The following NIPBL variants were observed in gnomAD, a reference collection of about 807,000 sequenced individuals.
NIPBL encodes NIPBL cohesin loading factor.
A neutral mutation model predicts 321.8 loss-of-function variants in NIPBL; 19 were observed. The ratio of observed to expected loss-of-function variants is 0.06; its 90% CI spans 0.04 to 0.09. The LOEUF (loss-of-function observed/expected upper bound fraction) is 0.09, where lower values mean the gene tolerates loss of function less well. Ranked by LOEUF, NIPBL falls within the 10% of genes least tolerant of loss-of-function variation. The pLI is 1.00. For missense variants in NIPBL, 2,210 were observed against 3,327.0 expected (o/e 0.66, Z 8.26); for synonymous variants, 1,106 against 1,114.1 (o/e 0.99, Z 0.14).
chr5:37,033,685 T>TACAG (rs1751335136), intron 32 of NIPBL, among the ~76,000 whole-genome samples: 1 of 65,066 alleles, frequency 1.5e-5, no homozygotes, highest in Non-Finnish European at 2.5e-5. Context: ...TATATGTACA[T>TACAG]ACACACACAC....
chr5:36,972,763 T>C (rs1486205727), intron 8 of NIPBL, among the ~76,000 whole-genome samples: 2 of 152,162 alleles, frequency 1.3e-5, no homozygotes, highest in Non-Finnish European at 2.9e-5. Context: ...TTTTAAGTTA[T>C]CATAAAGCCT....
Position 37,044,016 on chromosome 5 carries a change from A to G in NIPBL, c.6109-331A>G, listed in dbSNP as rs375060407. 1.3e-4 allele frequency among the ~76,000 whole-genome samples: 20 copies of G among 152,316 alleles called. No homozygotes were observed. The South Asian group carries it at 4.1e-3, about 32-fold the overall frequency. ...TAACATACACAGTTTGGAAAATACT[A>G]ATCGTAAAAACTGTACCAGTCTTTG... On this transcript the variant is annotated intron_variant, in intron 34 of 46. Coordinates refer to ENST00000282516, the MANE Select transcript of NIPBL (RefSeq NM_133433.4).
intron 11 of NIPBL, among the ~76,000 whole-genome samples, chr5:36,997,178 C>G (rs1440241936): frequency 2.0e-5 from 3 of 152,004 alleles, no homozygotes; most frequent in Non-Finnish European, 4.4e-5. Context: ...GGAACTCATT[C>G]CCTTTAATAT....
At chr5:36,962,038 A>G in intron 5 of NIPBL, 85 bp from the exon 6 acceptor site, 1 of 1,453,174 alleles carries the variant, frequency 6.9e-7, no homozygotes. Context: ...CTAAGAGATC[A>G]GAGGACTTTG....
At chr5:36,974,019 G>A (rs1743175430) in intron 8 of NIPBL, among the ~76,000 whole-genome samples, 1 of 152,134 alleles carries the variant, frequency 6.6e-6, no homozygotes, top group African/African-American at 2.4e-5. Flanking sequence ...GAATTTTCAG[G>A]GATAAAAACC....
At chr5:37,055,888 A>G (rs941601566) in intron 42 of NIPBL, among the ~76,000 whole-genome samples, 6 of 151,944 alleles carry the variant, frequency 3.9e-5, no homozygotes, top group African/African-American at 4.8e-5. Flanking sequence ...GTATGCACCT[A>G]TACTCCTAGC....
intron 11 of NIPBL, among the ~76,000 whole-genome samples, chr5:36,999,459 T>C (rs1423222749): frequency 1.3e-5 from 2 of 152,204 alleles, no homozygotes; most frequent in Admixed American, 1.3e-4. Flanking sequence ...TTGTCACTTA[T>C]AGTGCCCCCC....
intron 8 of NIPBL, 35 bp from the exon 9 acceptor site, chr5:36,975,741 C>CCA (rs1743364546): frequency 6.2e-7 from 1 of 1,607,302 alleles, no homozygotes; most frequent in African/African-American, 1.3e-5. Flanking sequence ...TGTGAAACCA[C>CCA]CACAACTGTT....
At chr5:36,903,644 G>A (rs930761608) in intron 1 of NIPBL, among the ~76,000 whole-genome samples, 47 of 152,082 alleles carry the variant, frequency 3.1e-4, no homozygotes, top group Middle Eastern at 3.2e-3. Flanking sequence ...ATATAAACAA[G>A]CTAAAAATAG....
At position 36,876,843 on chromosome 5, in the gene NIPBL, T is replaced by G. The variant is rs1024722216; in HGVS notation, c.-415T>G. Reference sequence around the variant, plus strand: ...CTCCTTCCCCCCGCCCTCCCCCCCCTCCCTCCGTCGGTACCGACTCACCCG... The same window carrying G: ...CTCCTTCCCCCCGCCCTCCCCCCCCGCCCTCCGTCGGTACCGACTCACCCG... On this transcript the variant is annotated 5_prime_UTR_variant, in exon 1 of 47. Coordinates refer to ENST00000282516, the MANE Select transcript of NIPBL (RefSeq NM_133433.4). 1.3e-4 allele frequency: 8 copies of G among 60,964 alleles called. No homozygotes were observed. Among genetic ancestry groups the G allele is most frequent in the Admixed American group, 1.1e-3 (6 of 5,692 alleles). The allele number at this position is 60,964 out of a possible 1,614,324, so 3.8% of individuals were successfully genotyped here.
At position 37,048,525 on chromosome 5, in the gene NIPBL, A is replaced by T. The variant is rs587784018; in HGVS notation, c.6613A>T (p.Ser2205Cys). ...GLGFAFIQHPSLMFEQEVKNL... is the reference protein window; with the variant it reads ...GLGFAFIQHPCLMFEQEVKNL... ...AGGATTTGCCTTTATTCAGCATCCA[A>T]GTCTAATGTTCGAGCAAGAAGTGAA... The change falls in exon 39 of 47, where the codon AGT becomes TGT. Residue 2205 changes from serine (S) to cysteine (C), a missense_variant. Ser to Cys is a moderately radical substitution (Grantham distance 112, BLOSUM62 -1). Around this residue, in one of 14 missense-constraint regions of NIPBL, gnomAD observed 40 missense variants for 55.3 expected, o/e 0.72. Coordinates refer to ENST00000282516, the MANE Select transcript of NIPBL (RefSeq NM_133433.4). The T allele has an allele frequency of 1.3e-6, 2 of 1,583,920 alleles. No homozygotes were observed. Among genetic ancestry groups the T allele is most frequent in the Admixed American group, 3.4e-5 (2 of 58,168 alleles).
In NIPBL at chr5:36,994,204, C is replaced by T. The variant is rs1385548148; in HGVS notation, c.3122-1418C>T. ...AATATTACCTGATTTCAAAATGACA[C>T]AGAAGTTAAACTCAACGTTAGTTAG... On this transcript the variant is annotated intron_variant, in intron 10 of 46. Coordinates refer to ENST00000282516, the MANE Select transcript of NIPBL (RefSeq NM_133433.4). Among the ~76,000 whole-genome samples the T allele has an allele frequency of 3.3e-5, 5 of 152,068 alleles. No homozygotes were observed. In the East Asian group the frequency reaches 9.6e-4, roughly 29 times the overall value.
chr5:36,881,327 G>C (rs957088405), intron 1 of NIPBL, among the ~76,000 whole-genome samples: 2 of 151,336 alleles, frequency 1.3e-5, no homozygotes, highest in Non-Finnish European at 1.5e-5. Context: ...TCTGGAGTCA[G>C]TTTTGTTGAA....
chr5:37,050,245 A>T (rs929872223), intron 40 of NIPBL, among the ~76,000 whole-genome samples: 5 of 152,050 alleles, frequency 3.3e-5, no homozygotes, highest in African/African-American at 7.2e-5. Flanking sequence ...TGGGCGGATC[A>T]CTTGAGTCAG....
At chr5:36,958,805 T>C (rs1741270700) in intron 4 of NIPBL, among the ~76,000 whole-genome samples, 1 of 152,206 alleles carries the variant, frequency 6.6e-6, no homozygotes, top group Non-Finnish European at 1.5e-5. Context: ...TCAAGCTTAC[T>C]GAATTTGACA....
chr5:37,050,701 G>C (rs907757044), intron 40 of NIPBL, among the ~76,000 whole-genome samples: 2 of 152,080 alleles, frequency 1.3e-5, no homozygotes, highest in African/African-American at 4.8e-5. Context: ...CTAAGAACAA[G>C]GACATTCTCT....
intron 3 of NIPBL, among the ~76,000 whole-genome samples, chr5:36,956,616 C>CT (rs34760816): frequency 0.027 from 2,152 of 79,488 alleles, 358 homozygotes; most frequent in African/African-American, 0.074. Flanking sequence ...TAAATCACTT[C>CT]TTTTTTTTTT....
chr5:36,897,202 C>G (rs547166711), intron 1 of NIPBL, among the ~76,000 whole-genome samples: 1 of 151,970 alleles, frequency 6.6e-6, no homozygotes, highest in East Asian at 2.0e-4. Context: ...TGGGGTTTCA[C>G]TATGTTGGCC....
chr5:36,886,420 C>A, intron 1 of NIPBL: 1 of 738,378 alleles, frequency 1.4e-6, no homozygotes, highest in East Asian at 2.5e-5. Context: ...GCAAACTATC[C>A]AAAAGACCAC....
Sources: allele counts gnomAD v4.1 joint callset (sites outside exome capture counted in the v4.1 genomes callset), GRCh38; gene constraint gnomAD v4.1.1; regional missense constraint gnomAD v4.1.1; transcripts MANE v1.5; gene names NCBI Gene and HGNC (gene_info 2026-07-23, HGNC 2026-07-21).